Variants in CFAP299 observed in about 807,000 individuals in gnomAD.
The protein encoded by CFAP299 is cilia- and flagella-associated protein 299.
In CFAP299, 21 loss-of-function variants were observed where a neutral mutation model predicts 27.0. The observed-to-expected ratio is 0.78, with a 90% CI of 0.55 to 1.12. The LOEUF (loss-of-function observed/expected upper bound fraction) is 1.12. Among genes scored for constraint, CFAP299 ranks in the 50% most tolerant of loss-of-function variants. The pLI is 0.00. For missense variants in CFAP299, 310 were observed against 276.6 expected (o/e 1.12, Z -0.86); for synonymous variants, 104 against 98.1 (o/e 1.06, Z -0.36).
intron 4 of CFAP299, among the ~76,000 whole-genome samples, chr4:80,910,355 G>A (rs757554137): frequency 5.3e-5 from 8 of 152,114 alleles, no homozygotes; most frequent in Non-Finnish European, 7.4e-5. Context: ...AATATAAATC[G>A]TTCTGTCATA....
intron 3 of CFAP299, among the ~76,000 whole-genome samples, chr4:80,744,829 C>T (rs977348520): frequency 1.3e-5 from 2 of 151,996 alleles, no homozygotes; most frequent in Non-Finnish European, 2.9e-5. Flanking sequence ...AAATGTTATG[C>T]AAAATGATAT....
chr4:80,774,490 C>A (rs1240316459), intron 3 of CFAP299, among the ~76,000 whole-genome samples: 1 of 151,814 alleles, frequency 6.6e-6, no homozygotes, highest in East Asian at 1.9e-4. Flanking sequence ...TTTATTTTCT[C>A]TTTTCCTTTA....
intron 4 of CFAP299, among the ~76,000 whole-genome samples, chr4:80,918,015 A>G (rs1185741892): frequency 2.0e-5 from 3 of 152,180 alleles, no homozygotes; most frequent in African/African-American, 7.2e-5. Flanking sequence ...CAAAAATTAA[A>G]TTTCTTGTTC....
At chr4:80,794,887 C>T (rs1014448997) in intron 3 of CFAP299, among the ~76,000 whole-genome samples, 1 of 152,156 alleles carries the variant, frequency 6.6e-6, no homozygotes, top group African/African-American at 2.4e-5. Context: ...ATATTGAGGG[C>T]TCAGTGTTGG....
intron 2 of CFAP299, among the ~76,000 whole-genome samples, chr4:80,408,246 A>G (rs1726531657): frequency 1.3e-5 from 2 of 152,242 alleles, no homozygotes; most frequent in Admixed American, 6.5e-5. Context: ...ACATCAATTA[A>G]TAAAATATCT....
At chr4:80,931,398 T>C (rs1736609510) in intron 4 of CFAP299, among the ~76,000 whole-genome samples, 1 of 152,126 alleles carries the variant, frequency 6.6e-6, no homozygotes, top group African/African-American at 2.4e-5. Context: ...TGATGGATGA[T>C]GGTTTCTGAG....
At chr4:80,584,081 C>T (rs971573218) in intron 3 of CFAP299, among the ~76,000 whole-genome samples, 3 of 151,712 alleles carry the variant, frequency 2.0e-5, no homozygotes, top group Admixed American at 6.6e-5. Flanking sequence ...GAATTAACCC[C>T]GACTTAAAAT....
chr4:80,529,103 A>G (rs971013758), intron 2 of CFAP299, among the ~76,000 whole-genome samples: 2 of 152,202 alleles, frequency 1.3e-5, no homozygotes. Context: ...GAAGCAGTGC[A>G]ATGACTACTA....
At chr4:80,723,530 A>G (rs1328578486) in intron 3 of CFAP299, among the ~76,000 whole-genome samples, 2 of 152,188 alleles carry the variant, frequency 1.3e-5, no homozygotes, top group African/African-American at 2.4e-5. Flanking sequence ...AAACTAATCT[A>G]TAGTTAAAGA....
At chr4:80,558,352 TTGTTTGTTTGTTTG>T (rs1443219770) in intron 2 of CFAP299, among the ~76,000 whole-genome samples, 2 of 144,832 alleles carry the variant, frequency 1.4e-5, no homozygotes, top group African/African-American at 5.4e-5. Flanking sequence ...TTTTGTTTGT[TTGTTTGTTTGTTTG>T]TTTTTTTTTT....
intron 2 of CFAP299, among the ~76,000 whole-genome samples, chr4:80,566,923 G>A (rs1051054665): frequency 2.0e-5 from 3 of 151,902 alleles, no homozygotes; most frequent in African/African-American, 7.2e-5. Context: ...CCATATTTAA[G>A]TATTAACTAG....
At chr4:80,742,250 C>T (rs1397927103) in intron 3 of CFAP299, among the ~76,000 whole-genome samples, 2 of 152,146 alleles carry the variant, frequency 1.3e-5, no homozygotes. Context: ...GGAATATAAA[C>T]AGTATAGCCT....
chr4:80,646,129 AACT>A (rs1007217066), intron 3 of CFAP299, among the ~76,000 whole-genome samples: 34 of 152,342 alleles, frequency 2.2e-4, no homozygotes, highest in African/African-American at 7.5e-4. Flanking sequence ...TGAACAATTT[AACT>A]ACCAAGCCAC....
At chr4:80,656,732 T>G (rs1023765094) in intron 3 of CFAP299, among the ~76,000 whole-genome samples, 92 of 152,306 alleles carry the variant, frequency 6.0e-4, no homozygotes, top group African/African-American at 2.2e-3. Context: ...ATCCTTTGGG[T>G]GTATACCCAA....
chr4:80,818,284 C>T (rs1729526327), intron 3 of CFAP299, among the ~76,000 whole-genome samples: 1 of 152,066 alleles, frequency 6.6e-6, no homozygotes. Context: ...ATATTTTAGC[C>T]ATCTTTATTT....
intron 3 of CFAP299, among the ~76,000 whole-genome samples, chr4:80,691,932 C>G (rs2110017146): frequency 6.6e-6 from 1 of 152,244 alleles, no homozygotes; most frequent in Middle Eastern, 3.4e-3. Flanking sequence ...CATGAGTGAA[C>G]TTCCATTCAC....
intron 3 of CFAP299, among the ~76,000 whole-genome samples, chr4:80,664,071 C>T (rs1741013191): frequency 6.6e-6 from 1 of 152,040 alleles, no homozygotes; most frequent in African/African-American, 2.4e-5. Context: ...AATTTTTCTC[C>T]CATCTGTAGG....
At chr4:80,325,000 G>A in the CFAP299 span, among the ~76,000 whole-genome samples, 1 of 152,208 alleles carries the variant, frequency 6.6e-6, no homozygotes, top group Non-Finnish European at 1.5e-5. Flanking sequence ...GCACGTGCCT[G>A]TAGTCTCAGC....
At chr4:80,442,288 T>G (rs1320833528) in intron 2 of CFAP299, among the ~76,000 whole-genome samples, 1 of 152,144 alleles carries the variant, frequency 6.6e-6, no homozygotes, top group Non-Finnish European at 1.5e-5. Flanking sequence ...TATTCTAAAA[T>G]TGACCACATA....
Sources: gnomAD v4.1 joint callset for allele counts (sites outside exome capture counted in the v4.1 genomes callset) on GRCh38, gnomAD v4.1.1 for gene constraint, MANE v1.5 for transcripts, NCBI Gene and HGNC (gene_info 2026-07-23, HGNC 2026-07-21) for gene names.